PIK3C2G: variants seen among roughly 807,000 people sequenced by gnomAD.
PIK3C2G encodes phosphatidylinositol-4-phosphate 3-kinase catalytic subunit type 2 gamma.
A neutral mutation model predicts 181.1 loss-of-function variants in PIK3C2G; 168 were observed. That is an observed-to-expected ratio of 0.93 (90% CI 0.82 to 1.05). PIK3C2G has a LOEUF of 1.05. Ranked by LOEUF, PIK3C2G falls within the 50% of genes least tolerant of loss-of-function variation. PIK3C2G has a pLI of 0.00. For missense variants in PIK3C2G, 1,869 were observed against 1,732.8 expected, an observed-to-expected ratio of 1.08 and a Z score of -1.40; for synonymous variants, 573 against 592.2, an observed-to-expected ratio of 0.97 and a Z score of 0.47.
chr12:18,720,843 T>C, the PIK3C2G span, among the ~76,000 whole-genome samples: 2 of 151,984 alleles, frequency 1.3e-5, no homozygotes, highest in African/African-American at 2.4e-5. Flanking sequence ...CAAAATATGA[T>C]ACAATACTAA....
At position 18,632,078 on chromosome 12, in the gene PIK3C2G, G is replaced by A. The variant is rs752967898; in HGVS notation, c.4183-8351G>A. ...CTGGCATCTAGTAGGTGGAGACCAG[G>A]GACACTGTGAAAATATCCTATGGTG... On this transcript the variant is annotated intron_variant, in intron 31 of 32. Transcript: ENST00000538779. 3.3e-5 allele frequency among the ~76,000 whole-genome samples: 5 copies of A among 151,908 alleles called. No homozygotes were observed. The East Asian group carries it at 9.7e-4, about 29-fold the overall frequency.
chr12:18,308,329 G>A (rs1033847682), intron 5 of PIK3C2G, among the ~76,000 whole-genome samples: 5 of 151,638 alleles, frequency 3.3e-5, no homozygotes, highest in African/African-American at 1.2e-4. Context: ...CAATAAGCCA[G>A]CATTCAAGGA....
intron 18 of PIK3C2G, chr12:18,425,134 G>A (rs759174323): frequency 1.4e-4 from 28 of 196,434 alleles, no homozygotes; most frequent in Non-Finnish European, 2.5e-4. Flanking sequence ...GCCACTGCTC[G>A]TGCCTTTTTT....
Position 18,399,517 on chromosome 12 carries a change from C to T in PIK3C2G, c.2127-142C>T, listed in dbSNP as rs549175164. The T allele has an allele frequency of 6.9e-5, 30 of 432,066 alleles. 1 individual carries two copies. The highest frequency in any genetic ancestry group is 5.7e-4 in the African/African-American group (28 of 49,362). 26.8% of individuals were successfully genotyped at this position (432,066 alleles called of 1,614,324 possible). ...TGATGAAATAACCTATGAAAATATC[C>T]GAAGAAGGTAAAAGATGTTTTTGAA... On this transcript the variant is annotated intron_variant, in intron 15 of 32. Coordinates refer to ENST00000538779, the MANE Select transcript of PIK3C2G (RefSeq NM_001288772.2).
chr12:18,667,834 TCCA>T, the PIK3C2G span, among the ~76,000 whole-genome samples: 1 of 152,184 alleles, frequency 6.6e-6, no homozygotes, highest in Non-Finnish European at 1.5e-5. Flanking sequence ...CCATGCCATT[TCCA>T]CCACATTGCT....
At chr12:18,650,738 A>ATC (rs1565602859), downstream of PIK3C2G, among the ~76,000 whole-genome samples, 233 of 30,818 alleles carry the variant, frequency 7.6e-3, 3 homozygotes, top group Admixed American at 0.011. Flanking sequence ...ATATATATAT[A>ATC]TATATATATA....
chr12:18,279,306 A>T (rs1949114699), intron 1 of PIK3C2G, among the ~76,000 whole-genome samples: 1 of 152,062 alleles, frequency 6.6e-6, no homozygotes, highest in Non-Finnish European at 1.5e-5. Context: ...TGAGAAATAA[A>T]CATGTTAAAA....
In PIK3C2G at chr12:18,488,528, G is replaced by A. The variant is rs1443455590; in HGVS notation, c.2584G>A (p.Gly862Ser). Residue 862 changes from glycine (G) to serine (S), a missense_variant, in exon 19 of 33, where the codon GGT (glycine) becomes AGT (serine). Coordinates refer to ENST00000538779, the MANE Select transcript of PIK3C2G (RefSeq NM_001288772.2). ...KLLAALQFCA[G>S]KALNDEFSKE... The stretch of plus-strand genomic sequence containing the variant: ...ACTAGCTGCTCTCCAATTCTGTGCA[G>A]GTAAAGCCTTGAATGATGAGTTTTC... 6 of 1,591,838 alleles carry A rather than the reference G, an allele frequency of 3.8e-6. No individual in the cohort carries two copies.
chr12:18,369,978 C>A (rs1391342419), intron 12 of PIK3C2G, among the ~76,000 whole-genome samples: 6 of 98,508 alleles, frequency 6.1e-5, no homozygotes, highest in Admixed American at 5.6e-4. Flanking sequence ...GACATATGAT[C>A]ATATAACGAT....
chr12:18,526,604 C>T (rs538242336), intron 24 of PIK3C2G, among the ~76,000 whole-genome samples: 2 of 152,070 alleles, frequency 1.3e-5, no homozygotes, highest in Non-Finnish European at 2.9e-5. Flanking sequence ...GTAACCCTAG[C>T]TGGAAATTTA....
chr12:18,517,184 T>C (rs1942609188), intron 24 of PIK3C2G, among the ~76,000 whole-genome samples: 2 of 152,096 alleles, frequency 1.3e-5, no homozygotes, highest in African/African-American at 4.8e-5. Flanking sequence ...AACATAATCA[T>C]TTGTCTGCTG....
At chr12:18,352,500 G>C (rs1326937885) in intron 11 of PIK3C2G, among the ~76,000 whole-genome samples, 2 of 152,170 alleles carry the variant, frequency 1.3e-5, no homozygotes, top group African/African-American at 4.8e-5. Context: ...CCCCATGGCA[G>C]TGTCTAGGAG....
At chr12:18,557,335 A>G (rs1214919106) in intron 26 of PIK3C2G, among the ~76,000 whole-genome samples, 1 of 152,100 alleles carries the variant, frequency 6.6e-6, no homozygotes, top group East Asian at 1.9e-4. Context: ...AAATCAAAAT[A>G]ACAAGAATTT....
At chr12:18,480,104 G>T (rs953530179) in intron 18 of PIK3C2G, among the ~76,000 whole-genome samples, 1 of 152,096 alleles carries the variant, frequency 6.6e-6, no homozygotes, top group Non-Finnish European at 1.5e-5. Context: ...ATCAGGAAAG[G>T]AGAAAACCAA....
chr12:18,359,066 A>T (rs1941003287), intron 11 of PIK3C2G: 1 of 152,750 alleles, frequency 6.5e-6, no homozygotes, highest in South Asian at 2.1e-4. Flanking sequence ...AAAAGGCTGA[A>T]GGCAAAAGGC....
At chr12:18,294,059 ATTAAG>A (rs1295797958) in intron 5 of PIK3C2G, 44 bp downstream of exon 5, 3 of 831,500 alleles carry the variant, frequency 3.6e-6, no homozygotes, top group Non-Finnish European at 4.0e-6. Context: ...ATCTGTAAAT[ATTAAG>A]TTACCACTTG....
At chr12:18,562,610 C>A in intron 26 of PIK3C2G, 93 bp from the exon 27 acceptor site, 1 of 752,818 alleles carries the variant, frequency 1.3e-6, no homozygotes, top group Non-Finnish European at 2.2e-6. Context: ...GCTTTTTCCC[C>A]TCATACTGAC....
At chr12:18,681,602 C>A in the PIK3C2G span, among the ~76,000 whole-genome samples, 8 of 151,850 alleles carry the variant, frequency 5.3e-5, no homozygotes, top group Non-Finnish European at 7.4e-5. Flanking sequence ...ATAAATAATG[C>A]AAATTTTAAA....
intron 29 of PIK3C2G, among the ~76,000 whole-genome samples, chr12:18,588,370 T>G (rs1471209708): frequency 6.6e-6 from 1 of 151,936 alleles, no homozygotes; most frequent in Non-Finnish European, 1.5e-5. Context: ...AGGTCTAATA[T>G]GCACATCTAT....
Sources: gnomAD v4.1 joint callset for allele counts (sites outside exome capture counted in the v4.1 genomes callset) on GRCh38, gnomAD v4.1.1 for gene constraint, MANE v1.5 for transcripts, NCBI Gene and HGNC (gene_info 2026-07-23, HGNC 2026-07-21) for gene names.